Variants in AGAP1 observed in about 807,000 individuals in gnomAD.
AGAP1 encodes arf-GAP with GTPase, ANK repeat and PH domain-containing protein 1.
In AGAP1, 29 loss-of-function variants were observed where a neutral mutation model predicts 105.3. That is an observed-to-expected ratio of 0.28 (90% CI 0.21 to 0.38). The LOEUF is 0.38. Ranked by LOEUF, AGAP1 falls within the 10% of genes least tolerant of loss-of-function variation. The probability of loss-of-function intolerance (pLI) is 1.00; values close to 1 mark genes in which losing one functional copy is unlikely to be tolerated. For synonymous variants in AGAP1, 509 were observed against 485.9 expected, an observed-to-expected ratio of 1.05 and a Z score of -0.63; for missense variants, 998 against 1,165.1, an observed-to-expected ratio of 0.86 and a Z score of 2.09.
chr2:235,878,840 G>C (rs1166446896), intron 9 of AGAP1, among the ~76,000 whole-genome samples: 1 of 152,198 alleles, frequency 6.6e-6, no homozygotes, highest in Non-Finnish European at 1.5e-5. Context: ...AATGCGAGTT[G>C]TCATGAAGTC....
In AGAP1 at chr2:235,983,770, C is replaced by T. The variant is rs572178066; in HGVS notation, c.1645+15147C>T. Among the ~76,000 whole-genome samples the T allele has an allele frequency of 2.4e-4, 37 of 152,332 alleles. No individual in the cohort carries two copies. Among genetic ancestry groups the T allele is most frequent in the African/African-American group, 8.7e-4 (36 of 41,582 alleles). ...TGCCCTGGGAGCAATAGGCTCTGCACATAGCCTGAGTGTGTGGTAGCCACA... is the reference window on the plus strand; with the variant it reads ...TGCCCTGGGAGCAATAGGCTCTGCATATAGCCTGAGTGTGTGGTAGCCACA... On this transcript the variant is annotated intron_variant, in intron 13 of 17. Coordinates refer to ENST00000304032, the MANE Select transcript of AGAP1 (RefSeq NM_001037131.3). This position sits in a 1 kb window ranked among gnomAD's most constrained non-coding sequence, Gnocchi z 4.5.
intron 13 of AGAP1, among the ~76,000 whole-genome samples, chr2:235,990,316 T>C (rs866279674): frequency 2.0e-5 from 3 of 152,056 alleles, no homozygotes; most frequent in Middle Eastern, 6.8e-3. Flanking sequence ...TCCAGCAGAG[T>C]TCCCTGCAAA....
chr2:235,734,648 T>C lies in AGAP1; in HGVS notation c.311-6315T>C, dbSNP rs186395012. On this transcript the variant is annotated intron_variant, in intron 3 of 17. Coordinates refer to ENST00000304032, the MANE Select transcript of AGAP1 (RefSeq NM_001037131.3). This position sits in a 1 kb window ranked among gnomAD's most constrained non-coding sequence, Gnocchi z 5.3. ...GTTTCCTAAGCACAGTGATGATTAT[T>C]GGAGCTAAAGACAGAGGCCACCCTT... Among the ~76,000 whole-genome samples the C allele has an allele frequency of 1.3e-5, 2 of 152,334 alleles. No homozygotes were observed. Among genetic ancestry groups the C allele is most frequent in the East Asian group, 3.9e-4 (2 of 5,188 alleles).
chr2:235,824,454 ATGT>A lies in AGAP1; in HGVS notation c.1050+17127_1050+17129del, dbSNP rs1449482524. ...AGTAGCATTGAACTGTGAAGAAATA[ATGT>A]TGTACAGCCAATCAAAAAGAGATAC... On this transcript the variant is annotated intron_variant, in intron 9 of 17. Coordinates refer to ENST00000304032, the MANE Select transcript of AGAP1 (RefSeq NM_001037131.3). The surrounding 1 kb of genome is among the most constrained non-coding windows in gnomAD (Gnocchi z 5.2). 6.6e-6 allele frequency among the ~76,000 whole-genome samples: 1 copy of A among 152,342 alleles called. No homozygotes were observed. The highest frequency in any genetic ancestry group is 2.1e-4 in the South Asian group (1 of 4,830).
rs879300032 is a variant in AGAP1 at position 235,753,667 on chromosome 2, T to C, written c.673+3179T>C. Among the ~76,000 whole-genome samples, 11 of 151,580 alleles carry C rather than the reference T, an allele frequency of 7.3e-5. No individual in the cohort carries two copies. Among genetic ancestry groups the C allele is most frequent in the Admixed American group, 1.3e-4 (2 of 15,218 alleles). ...GTTGCAGTCAGCTGAGATTGCACAA[T>C]TGCGCTCCATCCTGGGTGACAGAGC... On this transcript the variant is annotated intron_variant, in intron 6 of 17. Coordinates refer to ENST00000304032, the MANE Select transcript of AGAP1 (RefSeq NM_001037131.3). The surrounding 1 kb of genome is among the most constrained non-coding windows in gnomAD (Gnocchi z 4.5).
intron 1 of AGAP1, among the ~76,000 whole-genome samples, chr2:235,562,661 A>C (rs2149138924): frequency 1.3e-5 from 2 of 152,310 alleles, no homozygotes; most frequent in Middle Eastern, 6.8e-3. Flanking sequence ...CTTTAAGAGC[A>C]GGGCCCCTGG....
At chr2:235,679,562 C>G (rs1477542115) in intron 1 of AGAP1, among the ~76,000 whole-genome samples, 2 of 152,070 alleles carry the variant, frequency 1.3e-5, no homozygotes, top group African/African-American at 4.8e-5. Context: ...TGGCTTAATC[C>G]CCTTCCCACT....
At chr2:235,858,236 A>T (rs79802636) in intron 9 of AGAP1, among the ~76,000 whole-genome samples, 199 of 152,374 alleles carry the variant, frequency 1.3e-3, no homozygotes, top group African/African-American at 4.6e-3. Flanking sequence ...ATTAGTATTC[A>T]TTGCTAAGAT....
Position 235,701,559 on chromosome 2 carries a change from C to T in AGAP1, c.164-7620C>T, listed in dbSNP as rs1364032322. ...GAAAAGGATCTTTGAGCCTGAACTT[C>T]CAGGGAAGCCTGAAACCAATCTGGT... On this transcript the variant is annotated intron_variant, in intron 1 of 17. Coordinates refer to ENST00000304032, the MANE Select transcript of AGAP1 (RefSeq NM_001037131.3). The surrounding 1 kb of genome is among the most constrained non-coding windows in gnomAD (Gnocchi z 4.1). Among the ~76,000 whole-genome samples, 1 of 152,130 alleles carries T rather than the reference C, an allele frequency of 6.6e-6. No individual in the cohort carries two copies. Among genetic ancestry groups the T allele is most frequent in the African/African-American group, 2.4e-5 (1 of 41,428 alleles).
chr2:235,810,833 C>CTTTT (rs76910320), intron 9 of AGAP1, among the ~76,000 whole-genome samples: 52 of 112,982 alleles, frequency 4.6e-4, no homozygotes, highest in East Asian at 7.4e-4. Flanking sequence ...AATTCGGTTT[C>CTTTT]TTTTTTTTTT....
chr2:235,851,627 C>T (rs138677836), intron 9 of AGAP1, among the ~76,000 whole-genome samples: 272 of 152,154 alleles, frequency 1.8e-3, no homozygotes, highest in Non-Finnish European at 3.4e-3. Flanking sequence ...ATACTCTAGG[C>T]TTATCTCCGT....
rs1305210227 is a variant in AGAP1 at position 236,040,902 on chromosome 2, C to T, written c.1891+61C>T. 1 of 1,568,018 alleles carries T rather than the reference C, an allele frequency of 6.4e-7. No homozygotes were observed. Among genetic ancestry groups the T allele is most frequent in the Non-Finnish European group, 8.8e-7 (1 of 1,139,990 alleles). On this transcript the variant is annotated intron_variant, in intron 15 of 17. Coordinates refer to ENST00000304032, the MANE Select transcript of AGAP1 (RefSeq NM_001037131.3). This position sits in a 1 kb window ranked among gnomAD's most constrained non-coding sequence, Gnocchi z 5.6. The stretch of plus-strand genomic sequence containing the variant: ...TGTAGCTGGAGACCACATGGTCCCA[C>T]TAGGCCCGGGTTGCAGGGGACTCAC...
rs780479667 is a variant in AGAP1 at position 235,951,731 on chromosome 2, C to T, written c.1484-16731C>T. Among the ~76,000 whole-genome samples the T allele has an allele frequency of 4.6e-5, 7 of 152,188 alleles. No individual in the cohort carries two copies. Among genetic ancestry groups the T allele is most frequent in the Non-Finnish European group, 1.0e-4 (7 of 68,038 alleles). On this transcript the variant is annotated intron_variant, in intron 12 of 17. Coordinates refer to ENST00000304032, the MANE Select transcript of AGAP1 (RefSeq NM_001037131.3). This position sits in a 1 kb window ranked among gnomAD's most constrained non-coding sequence, Gnocchi z 4.2. ...TGTTGGTACAAAATAAACATTTCCT[C>T]CTATCCTGGATGACTGGAGCCTTGG...
chr2:236,078,037 T>TTGTGTGTGTGTG lies in AGAP1; in HGVS notation c.2114+28782_2114+28793dup, dbSNP rs9287595. ...AGGGTTCTCCAGAGAAACAACCAATTTGTGTGTGTGTGTGTGTGTGTGTGT... is the reference window on the plus strand; with the variant it reads ...AGGGTTCTCCAGAGAAACAACCAATTTGTGTGTGTGTGTGTGTGTGTGTGTGTGTGTGTGTGT... On this transcript the variant is annotated intron_variant, in intron 16 of 17. Transcript: ENST00000304032. This position sits in a 1 kb window ranked among gnomAD's most constrained non-coding sequence, Gnocchi z 5.3. Among the ~76,000 whole-genome samples the TTGTGTGTGTGTG allele has an allele frequency of 0.013, 1,788 of 140,460 alleles. 16 individuals are homozygous for TTGTGTGTGTGTG. Among genetic ancestry groups the TTGTGTGTGTGTG allele is most frequent in the South Asian group, 0.019 (75 of 4,002 alleles). The allele number at this position is 140,460 out of a possible 152,430, so 92.1% of individuals were successfully genotyped here.
At chr2:236,091,330 T>C (rs1010867261) in intron 16 of AGAP1, among the ~76,000 whole-genome samples, 17 of 152,230 alleles carry the variant, frequency 1.1e-4, no homozygotes, top group Admixed American at 3.9e-4. Context: ...CTGTTCCTTT[T>C]TCATAATGGA....
rs2125472892 is a variant in AGAP1 at position 235,994,953 on chromosome 2, G to T, written c.1645+26330G>T. 6.7e-6 allele frequency among the ~76,000 whole-genome samples: 1 copy of T among 148,840 alleles called. No individual in the cohort carries two copies. The highest frequency in any genetic ancestry group is 3.6e-3 in the Middle Eastern group (1 of 280). ...GTGGTGGTAGGCGCCTGTAATCGCA[G>T]CTACTTGGGAGGCTGAGGCAAGAGA... On this transcript the variant is annotated intron_variant, in intron 13 of 17. Transcript: ENST00000304032. The surrounding 1 kb of genome is among the most constrained non-coding windows in gnomAD (Gnocchi z 4.4).
At chr2:235,645,390 G>A (rs765122175) in intron 1 of AGAP1, among the ~76,000 whole-genome samples, 1 of 152,152 alleles carries the variant, frequency 6.6e-6, no homozygotes, top group Non-Finnish European at 1.5e-5. Context: ...GAGAAGTGAG[G>A]TCTCCGGCTT....
At position 235,740,907 on chromosome 2, in the gene AGAP1, T is replaced by TGCCC; in HGVS notation, c.311-55_311-52dup. ...TCCACAAGCGAAGCCCACGTCTGTC[T>TGCCC]GCCCTCCTCACTCTCTGTTGTTCTC... is the stretch of plus-strand genomic sequence containing the variant. On this transcript the variant is annotated intron_variant, in intron 3 of 17. Transcript: ENST00000304032. This position sits in a 1 kb window ranked among gnomAD's most constrained non-coding sequence, Gnocchi z 5.7. 1 of 1,609,450 alleles carries TGCCC rather than the reference T, an allele frequency of 6.2e-7. No individual in the cohort carries two copies.
At chr2:236,094,553 T>C (rs1401011644) in intron 16 of AGAP1, among the ~76,000 whole-genome samples, 1 of 151,900 alleles carries the variant, frequency 6.6e-6, no homozygotes, top group Non-Finnish European at 1.5e-5. Context: ...GGCTTCACCG[T>C]GTTGTTCAGG....
Sources: gnomAD v4.1 joint callset for allele counts (sites outside exome capture counted in the v4.1 genomes callset) on GRCh38, gnomAD v4.1.1 for gene constraint, Gnocchi (gnomAD v3.1) non-coding constraint, MANE v1.5 for transcripts, NCBI Gene and HGNC (gene_info 2026-07-23, HGNC 2026-07-21) for gene names.